SETD5: variants seen among roughly 807,000 people sequenced by gnomAD.
The protein encoded by SETD5 is histone-lysine N-methyltransferase SETD5.
A neutral mutation model predicts 153.3 loss-of-function variants in SETD5; 44 were observed. The ratio of observed to expected loss-of-function variants is 0.29; its 90% confidence interval spans 0.23 to 0.37. The LOEUF is 0.37. SETD5 is among the 10% of genes least tolerant of loss of function. The pLI, the probability that SETD5 is intolerant of heterozygous loss-of-function variation, is 1.00. For missense variants in SETD5, 1,544 were observed against 1,768.0 expected, an observed-to-expected ratio of 0.87 and a Z score of 2.27; for synonymous variants, 716 against 645.2, an observed-to-expected ratio of 1.11 and a Z score of -1.66.
At chr3:9,411,809 C>T (rs1368105046) in intron 1 of SETD5, among the ~76,000 whole-genome samples, 6 of 152,124 alleles carry the variant, frequency 3.9e-5, no homozygotes, top group Non-Finnish European at 7.4e-5. Context: ...CTGTAAATAA[C>T]ACCTGATTTT....
chr3:9,473,344 G>A lies in SETD5; in HGVS notation c.3304G>A (p.Gly1102Ser). Reference protein sequence around the residue: ...SKSKSAGAGQGSSNSVSDTGA... With the variant: ...SKSKSAGAGQSSSNSVSDTGA... ...AAGCAAGTCTGCAGGAGCTGGGCAA[G>A]GCAGCAGTAACTCCGTTTCCGACAC... Residue 1102 changes from glycine to serine, a missense_variant, in exon 20 of 23, where the codon GGC becomes AGC. Coordinates refer to ENST00000402198, the MANE Select transcript of SETD5 (RefSeq NM_001080517.3). 1.2e-6 allele frequency: 2 copies of A among 1,613,980 alleles called. No individual in the cohort carries two copies. Among genetic ancestry groups the A allele is most frequent in the Non-Finnish European group, 1.7e-6 (2 of 1,179,892 alleles).
At chr3:9,461,832 G>A (rs529054709) in intron 17 of SETD5, among the ~76,000 whole-genome samples, 1 of 152,116 alleles carries the variant, frequency 6.6e-6, no homozygotes, top group Non-Finnish European at 1.5e-5. Flanking sequence ...ACAGAGATCT[G>A]TAAGATTCCA....
Position 9,428,851 on chromosome 3 carries a change from G to A in SETD5, c.-88G>A. 1 of 806,996 alleles carries A rather than the reference G, an allele frequency of 1.2e-6. No individual in the cohort carries two copies. Among genetic ancestry groups the A allele is most frequent in the Non-Finnish European group, 2.0e-6 (1 of 497,682 alleles). The allele number at this position is 806,996 out of a possible 1,614,324, so 50.0% of individuals were successfully genotyped here. A position where few individuals can be genotyped will look rare whatever the true frequency, so the allele number is the denominator to read the frequency against. ...TCCTCATGTCCATAACATGTTGGAT[G>A]AGGCTCTGCAGCTCACCCCCACTCT... On this transcript the variant is annotated 5_prime_UTR_variant, in exon 3 of 23. An upstream start codon of the reference 5' UTR is lost. Transcript: ENST00000402198.
intron 3 of SETD5, chr3:9,429,787 TCCTTTTACCTC>T (rs1374542368): frequency 7.9e-7 from 1 of 1,262,774 alleles, no homozygotes; most frequent in African/African-American, 1.6e-5. Context: ...CCCCCTCTTG[TCCTTTTACCTC>T]CCTTGTACCC....
chr3:9,429,803 G>C, intron 3 of SETD5: 6 of 1,298,618 alleles, frequency 4.6e-6, no homozygotes, highest in Non-Finnish European at 6.1e-6. Flanking sequence ...TACCTCCCTT[G>C]TACCCAATCT....
intron 20 of SETD5, among the ~76,000 whole-genome samples, chr3:9,474,114 C>G (rs1454190956): frequency 6.6e-6 from 1 of 152,160 alleles, no homozygotes; most frequent in Non-Finnish European, 1.5e-5. Flanking sequence ...GTTTCATGTT[C>G]ATTAATCTAT....
intron 16 of SETD5, among the ~76,000 whole-genome samples, chr3:9,450,611 C>G (rs1401286099): frequency 6.6e-6 from 1 of 152,124 alleles, no homozygotes; most frequent in African/African-American, 2.4e-5. Flanking sequence ...TTAGAAAGGA[C>G]TTACCTAATG....
In SETD5 at chr3:9,447,345, A is replaced by G. The variant is rs202068968; in HGVS notation, c.1782+38A>G. 5.2e-5 allele frequency: 82 copies of G among 1,577,572 alleles called. No individual in the cohort carries two copies. In the Admixed American group the frequency reaches 7.7e-4, roughly 15 times the overall value. On this transcript the variant is annotated intron_variant, in intron 14 of 22. Coordinates refer to ENST00000402198, the MANE Select transcript of SETD5 (RefSeq NM_001080517.3). Reference sequence around the variant, plus strand: ...AAGACTTCAGCACTTAGACATCCTCACCTTTGCTAATGTCAATACCTAACT... The same window carrying G: ...AAGACTTCAGCACTTAGACATCCTCGCCTTTGCTAATGTCAATACCTAACT...
chr3:9,421,652 C>G (rs1389578968), intron 1 of SETD5, among the ~76,000 whole-genome samples: 1 of 152,092 alleles, frequency 6.6e-6, no homozygotes, highest in Admixed American at 6.6e-5. Context: ...GAAATTCAGC[C>G]TATATGTAAC....
At chr3:9,420,104 ATTG>A (rs1314016958) in intron 1 of SETD5, among the ~76,000 whole-genome samples, 2 of 152,140 alleles carry the variant, frequency 1.3e-5, no homozygotes, top group Non-Finnish European at 2.9e-5. Context: ...AATCTTCCTG[ATTG>A]TTGTTAAGGT....
At chr3:9,424,789 C>T (rs2038902824) in intron 2 of SETD5, among the ~76,000 whole-genome samples, 1 of 152,018 alleles carries the variant, frequency 6.6e-6, no homozygotes, top group South Asian at 2.1e-4. Flanking sequence ...GTTAAATGTT[C>T]CTCGGTTAAC....
chr3:9,464,932 T>C (rs1392784119), intron 18 of SETD5: 2 of 508,492 alleles, frequency 3.9e-6, no homozygotes, highest in Admixed American at 3.2e-5. Flanking sequence ...TCAATCTCCA[T>C]AAGTTTAGGT....
chr3:9,429,122 C>T, intron 3 of SETD5, 113 bp downstream of exon 3: 7 of 630,778 alleles, frequency 1.1e-5, no homozygotes, highest in Non-Finnish European at 1.9e-5. Flanking sequence ...TCCTATTCCA[C>T]TGTAATTAAC....
At position 9,470,859 on chromosome 3, in the gene SETD5, T is replaced by C; in HGVS notation, c.3125T>C (p.Leu1042Ser). 6.2e-7 allele frequency: 1 copy of C among 1,611,632 alleles called. No homozygotes were observed. Among genetic ancestry groups the C allele is most frequent in the Non-Finnish European group, 8.5e-7 (1 of 1,178,834 alleles). The change falls in exon 19 of 23, where the codon TTG (leucine) becomes TCG (serine). Residue 1042 changes from leucine (L) to serine (S), a missense_variant. Around this residue, in one of 9 missense-constraint regions of SETD5, gnomAD observed 782 missense variants for 787.2 expected, o/e 0.99. Coordinates refer to ENST00000402198, the MANE Select transcript of SETD5 (RefSeq NM_001080517.3). ...GLMKDLSRGS[L>S]SPGGERACEG... Reference sequence around the variant, plus strand: ...ATGAAAGACCTCTCTCGTGGATCCTTGTCACCTGGTGGTGAAAGGGCCTGT... The same window carrying C: ...ATGAAAGACCTCTCTCGTGGATCCTCGTCACCTGGTGGTGAAAGGGCCTGT...
intron 16 of SETD5, among the ~76,000 whole-genome samples, chr3:9,451,732 T>C (rs1353952391): frequency 6.6e-6 from 1 of 152,162 alleles, no homozygotes; most frequent in African/African-American, 2.4e-5. Flanking sequence ...AGATACGAGC[T>C]ACTGAGCCCA....
intron 17 of SETD5, among the ~76,000 whole-genome samples, chr3:9,456,491 A>C (rs1012361814): frequency 1.3e-5 from 2 of 151,900 alleles, no homozygotes; most frequent in South Asian, 2.1e-4. Flanking sequence ...AAAAAAAAAA[A>C]AAAAAACAAG....
chr3:9,418,749 G>C (rs2037928084), intron 1 of SETD5, among the ~76,000 whole-genome samples: 1 of 151,452 alleles, frequency 6.6e-6, no homozygotes, highest in Non-Finnish European at 1.5e-5. Flanking sequence ...GTTGCAGTGA[G>C]CTGAGATCCT....
At chr3:9,459,242 TAACA>T in intron 17 of SETD5, among the ~76,000 whole-genome samples, 1 of 152,158 alleles carries the variant, frequency 6.6e-6, no homozygotes, top group Non-Finnish European at 1.5e-5. Context: ...TCTTAGTTAT[TAACA>T]ATTGCAAAAA....
chr3:9,448,266 T>G, intron 15 of SETD5, 122 bp from the exon 16 acceptor site: 1 of 1,421,558 alleles, frequency 7.0e-7, no homozygotes, highest in Non-Finnish European at 9.3e-7. Flanking sequence ...TTCTAGTTGC[T>G]CAATTCATTC....
Sources: allele counts gnomAD v4.1 joint callset (sites outside exome capture counted in the v4.1 genomes callset), GRCh38; gene constraint gnomAD v4.1.1; regional missense constraint gnomAD v4.1.1; transcripts MANE v1.5; gene names NCBI Gene and HGNC (gene_info 2026-07-23, HGNC 2026-07-21).